GALNTL6: variants seen among roughly 807,000 people sequenced by gnomAD.
GALNTL6 encodes polypeptide N-acetylgalactosaminyltransferase like 6.
GALNTL6 carries 46 observed loss-of-function variants against 73.7 expected under a neutral mutation model. That is an observed-to-expected ratio of 0.62 (90% CI 0.49 to 0.80). GALNTL6 has a LOEUF of 0.80. Ranked by LOEUF, GALNTL6 falls within the 30% of genes least tolerant of loss-of-function variation. The pLI, the probability that GALNTL6 is intolerant of heterozygous loss-of-function variation, is 0.00. For missense variants in GALNTL6, 604 were observed against 755.0 expected (o/e 0.80, Z 2.34); for synonymous variants, 259 against 263.7 (o/e 0.98, Z 0.17).
chr4:172,677,826 G>A (rs1238301637), intron 5 of GALNTL6, among the ~76,000 whole-genome samples: 1 of 151,916 alleles, frequency 6.6e-6, no homozygotes, highest in East Asian at 1.9e-4. Context: ...CACCAGCAGT[G>A]CAGGGAGATT....
chr4:171,852,388 T>C (rs1309391742), intron 2 of GALNTL6, among the ~76,000 whole-genome samples: 1 of 151,774 alleles, frequency 6.6e-6, no homozygotes, highest in East Asian at 1.9e-4. Flanking sequence ...TATTCAGGTG[T>C]GCATTGCTTA....
chr4:172,078,383 C>A (rs1259000299), intron 2 of GALNTL6, among the ~76,000 whole-genome samples: 2 of 152,250 alleles, frequency 1.3e-5, no homozygotes, highest in Non-Finnish European at 2.9e-5. Context: ...TTTCGTGAGG[C>A]CTCCCTGTCA....
chr4:172,277,281 G>T (rs1189535236), intron 3 of GALNTL6, among the ~76,000 whole-genome samples: 2 of 151,604 alleles, frequency 1.3e-5, no homozygotes, highest in East Asian at 1.9e-4. Context: ...AAAATACTTC[G>T]CAACAGTGGG....
intron 2 of GALNTL6, among the ~76,000 whole-genome samples, chr4:172,015,636 T>C (rs1161070495): frequency 6.6e-6 from 1 of 152,070 alleles, no homozygotes; most frequent in African/African-American, 2.4e-5. Context: ...TTACAAGCCA[T>C]GTGAGATTTA....
chr4:172,770,955 G>T (rs948971956), intron 5 of GALNTL6, among the ~76,000 whole-genome samples: 1 of 152,138 alleles, frequency 6.6e-6, no homozygotes, highest in Non-Finnish European at 1.5e-5. Context: ...CACAATATTG[G>T]CATTGACAGA....
chr4:172,970,046 G>C (rs1314852992), intron 10 of GALNTL6, among the ~76,000 whole-genome samples: 2 of 152,140 alleles, frequency 1.3e-5, no homozygotes, highest in African/African-American at 2.4e-5. Context: ...GTTTTTATTA[G>C]GGATTTCAAA....
intron 4 of GALNTL6, 128 bp downstream of exon 4, chr4:172,311,880 C>A: frequency 3.2e-6 from 2 of 631,842 alleles, no homozygotes; most frequent in Non-Finnish European, 2.6e-6. Context: ...TTGATAAAAA[C>A]TCATATTGCA....
chr4:172,035,962 A>G (rs1408627632), intron 2 of GALNTL6, among the ~76,000 whole-genome samples: 2 of 152,050 alleles, frequency 1.3e-5, no homozygotes, highest in African/African-American at 4.8e-5. Context: ...AAGCTATAAA[A>G]TCTTTTATGT....
intron 5 of GALNTL6, among the ~76,000 whole-genome samples, chr4:172,690,722 A>G (rs1733228856): frequency 6.6e-6 from 1 of 152,212 alleles, no homozygotes. Flanking sequence ...AAAACAAGAG[A>G]AAATATTATT....
intron 5 of GALNTL6, among the ~76,000 whole-genome samples, chr4:172,490,867 G>A (rs1435757541): frequency 1.3e-5 from 2 of 152,090 alleles, no homozygotes; most frequent in Admixed American, 6.6e-5. Context: ...ATAAAGTCAC[G>A]TTGAAGACTT....
chr4:172,457,236 C>A lies in GALNTL6; in HGVS notation c.553+108547C>A, dbSNP rs112526987. Among the ~76,000 whole-genome samples, 1,122 of 150,170 alleles carry A rather than the reference C, an allele frequency of 7.5e-3. 17 individuals are homozygous for A. The highest frequency in any genetic ancestry group is 0.026 in the African/African-American group (1,053 of 41,132). ...ATGGAAAAAAAAAAACCCAAAAAAA[C>A]AGTACCAGCCACTGCAAAAACATAC... On this transcript the variant is annotated intron_variant, in intron 5 of 12. Transcript: ENST00000506823.
intron 2 of GALNTL6, among the ~76,000 whole-genome samples, chr4:172,195,268 G>T (rs1462704207): frequency 6.6e-6 from 1 of 151,984 alleles, no homozygotes; most frequent in Non-Finnish European, 1.5e-5. Flanking sequence ...ACCCAATACA[G>T]GAGCACCCAG....
intron 5 of GALNTL6, among the ~76,000 whole-genome samples, chr4:172,761,474 T>G (rs575317562): frequency 1.7e-4 from 26 of 152,318 alleles, no homozygotes; most frequent in African/African-American, 4.6e-4. Context: ...GATGTCTATA[T>G]GTTTGATATA....
intron 8 of GALNTL6, among the ~76,000 whole-genome samples, chr4:172,893,939 G>A (rs1253784249): frequency 3.3e-5 from 5 of 152,028 alleles, no homozygotes; most frequent in East Asian, 1.9e-4. Flanking sequence ...TCCTTCACTC[G>A]CCCCTTCCTT....
chr4:172,486,982 CATTAA>C (rs1350846035), intron 5 of GALNTL6, among the ~76,000 whole-genome samples: 1 of 152,170 alleles, frequency 6.6e-6, no homozygotes, highest in Non-Finnish European at 1.5e-5. Flanking sequence ...TCACCTATTT[CATTAA>C]ATAAATTATA....
At chr4:172,422,527 A>C (rs1731086427) in intron 5 of GALNTL6, among the ~76,000 whole-genome samples, 1 of 151,940 alleles carries the variant, frequency 6.6e-6, no homozygotes, top group African/African-American at 2.4e-5. Flanking sequence ...AAGTGTCCCA[A>C]GACTTCGTTC....
chr4:172,132,111 A>T (rs1733514630), intron 2 of GALNTL6, among the ~76,000 whole-genome samples: 3 of 152,076 alleles, frequency 2.0e-5, no homozygotes, highest in South Asian at 4.1e-4. Context: ...ATCCTAATGC[A>T]TACAAGATTA....
At chr4:172,575,525 T>C (rs1004878748) in intron 5 of GALNTL6, among the ~76,000 whole-genome samples, 8 of 152,200 alleles carry the variant, frequency 5.3e-5, no homozygotes, top group Non-Finnish European at 1.0e-4. Context: ...GAGATAGAGA[T>C]ATTATTTAAA....
intron 2 of GALNTL6, among the ~76,000 whole-genome samples, chr4:172,111,133 A>T (rs974533088): frequency 6.6e-6 from 1 of 152,140 alleles, no homozygotes; most frequent in African/African-American, 2.4e-5. Context: ...GCAGCAAAAG[A>T]AAATTTCCAA....
Sources: allele counts gnomAD v4.1 joint callset (sites outside exome capture counted in the v4.1 genomes callset), GRCh38; gene constraint gnomAD v4.1.1; transcripts MANE v1.5; gene names NCBI Gene and HGNC (gene_info 2026-07-23, HGNC 2026-07-21).